The following IL1RAPL1 variants were observed in gnomAD, a reference collection of about 807,000 sequenced individuals.
IL1RAPL1 encodes the protein interleukin 1 receptor accessory protein like 1.
IL1RAPL1 carries 3 observed loss-of-function variants against 48.4 expected under a neutral mutation model. That is an observed-to-expected ratio of 0.06 (90% CI 0.03 to 0.16). IL1RAPL1 has a LOEUF of 0.16. Among genes scored for constraint, IL1RAPL1 ranks in the 10% least tolerant of loss-of-function variants. The pLI, the probability that IL1RAPL1 is intolerant of heterozygous loss-of-function variation, is 1.00. For missense variants in IL1RAPL1, 349 were observed against 530.6 expected (o/e 0.66, Z 3.36); for synonymous variants, 185 against 187.7 (o/e 0.99, Z 0.12).
At chrX:28,699,847 A>G (rs1374663595) in intron 1 of IL1RAPL1, among the ~76,000 whole-genome samples, 1 of 111,867 alleles carries the variant, frequency 8.9e-6, no homozygotes, top group Non-Finnish European at 1.9e-5. Context: ...TCACTGCTGG[A>G]CTGAGAGTCA....
chrX:29,909,489 C>T (rs1347869476), intron 6 of IL1RAPL1, among the ~76,000 whole-genome samples: 1 of 110,791 alleles, frequency 9.0e-6, no homozygotes, highest in East Asian at 2.8e-4. Flanking sequence ...TTCTATATAC[C>T]AACAACATCC....
intron 2 of IL1RAPL1, among the ~76,000 whole-genome samples, chrX:29,059,589 G>T (rs1459652477): frequency 9.0e-6 from 1 of 111,663 alleles, no homozygotes; most frequent in Non-Finnish European, 1.9e-5. Flanking sequence ...TTTTGAACAT[G>T]AACTTCTGGG....
chrX:28,826,443 A>G (rs1199106265), intron 2 of IL1RAPL1, among the ~76,000 whole-genome samples: 4 of 111,465 alleles, frequency 3.6e-5, no homozygotes, highest in African/African-American at 1.3e-4. Flanking sequence ...ATGATGTACA[A>G]TGTACAATAA....
intron 3 of IL1RAPL1, among the ~76,000 whole-genome samples, chrX:29,292,331 A>G (rs1177589755): frequency 8.9e-6 from 1 of 111,938 alleles, no homozygotes; most frequent in Non-Finnish European, 1.9e-5. Flanking sequence ...TTGGTATTTC[A>G]GATGACAATT....
At chrX:28,768,765 A>G (rs1290854224) in intron 1 of IL1RAPL1, among the ~76,000 whole-genome samples, 1 of 80,232 alleles carries the variant, frequency 1.2e-5, no homozygotes, top group Non-Finnish European at 2.4e-5. Context: ...CTATATATAT[A>G]TATATATATA....
intron 5 of IL1RAPL1, among the ~76,000 whole-genome samples, chrX:29,630,417 C>T (rs1252347381): frequency 1.8e-5 from 2 of 111,764 alleles, no homozygotes; most frequent in Non-Finnish European, 3.8e-5. Context: ...GTGGGAAGGA[C>T]TTCGTTGCTG....
In IL1RAPL1 at chrX:29,123,697, A is replaced by T. The variant is rs192087918; in HGVS notation, c.83-159241A>T. Among the ~76,000 whole-genome samples, 444 of 111,287 alleles carry T rather than the reference A, an allele frequency of 4.0e-3. 2 individuals carry two copies. Among genetic ancestry groups the T allele is most frequent in the African/African-American group, 0.013 (407 of 30,635 alleles). On this transcript the variant is annotated intron_variant, in intron 2 of 10. Transcript: ENST00000378993. ...AGTGATAAACCTGATGTATTTAAAA[A>T]TTTTTTGAGATTTCCTCTGGAGCTG...
intron 2 of IL1RAPL1, among the ~76,000 whole-genome samples, chrX:29,174,930 C>G (rs921684515): frequency 6.4e-5 from 7 of 109,679 alleles, no homozygotes; most frequent in Non-Finnish European, 1.1e-4. Context: ...AAAAATTAGC[C>G]GGGCGTGGTG....
chrX:29,527,324 CTCTTTT>C (rs1450257734), intron 5 of IL1RAPL1, among the ~76,000 whole-genome samples: 1 of 24,069 alleles, frequency 4.2e-5, no homozygotes, highest in African/African-American at 1.4e-4. Context: ...TAGGGAAGGA[CTCTTTT>C]TTTTTTTTTT....
intron 6 of IL1RAPL1, among the ~76,000 whole-genome samples, chrX:29,732,652 T>G (rs1927950376): frequency 8.9e-6 from 1 of 112,489 alleles, no homozygotes; most frequent in Admixed American, 9.4e-5. Context: ...GACTTGTTTC[T>G]CCTTCTGCAA....
chrX:28,640,396 A>C (rs1721381583), intron 1 of IL1RAPL1, among the ~76,000 whole-genome samples: 1 of 110,634 alleles, frequency 9.0e-6, no homozygotes, highest in Non-Finnish European at 1.9e-5. Flanking sequence ...CCCAGGCTGG[A>C]GTGCAGTGGT....
At chrX:28,680,201 A>G (rs1935043751) in intron 1 of IL1RAPL1, among the ~76,000 whole-genome samples, 1 of 110,999 alleles carries the variant, frequency 9.0e-6, no homozygotes, top group Admixed American at 9.6e-5. Context: ...ATTCCCTAGT[A>G]TTTTATTCTT....
At chrX:28,595,097 G>A (rs781280174) in intron 1 of IL1RAPL1, among the ~76,000 whole-genome samples, 2 of 111,960 alleles carry the variant, frequency 1.8e-5, no homozygotes, top group East Asian at 2.8e-4. Flanking sequence ...CCACTTTGAC[G>A]ATATTGAATT....
At chrX:29,886,005 G>C (rs971158621) in intron 6 of IL1RAPL1, among the ~76,000 whole-genome samples, 1 of 111,825 alleles carries the variant, frequency 8.9e-6, no homozygotes, top group Non-Finnish European at 1.9e-5. Flanking sequence ...CATGATACAA[G>C]AAGGATGGTG....
At chrX:28,665,821 A>G (rs1934870665) in intron 1 of IL1RAPL1, among the ~76,000 whole-genome samples, 1 of 112,242 alleles carries the variant, frequency 8.9e-6, no homozygotes, top group Admixed American at 9.5e-5. Flanking sequence ...AGCAAAGATC[A>G]TTTGAAACAG....
intron 3 of IL1RAPL1, among the ~76,000 whole-genome samples, chrX:29,392,972 C>T (rs1300161115): frequency 1.8e-5 from 2 of 111,843 alleles, no homozygotes; most frequent in African/African-American, 3.3e-5. Context: ...ATGAAGGAGG[C>T]GGTGCCGATA....
intron 5 of IL1RAPL1, among the ~76,000 whole-genome samples, chrX:29,486,087 T>C (rs921578574): frequency 2.5e-4 from 28 of 111,166 alleles, no homozygotes; most frequent in Non-Finnish European, 3.8e-5. Context: ...TAATGCATGC[T>C]CCTAGAGAGT....
chrX:29,612,147 C>T (rs935623453), intron 5 of IL1RAPL1, among the ~76,000 whole-genome samples: 2 of 111,054 alleles, frequency 1.8e-5, no homozygotes, highest in African/African-American at 6.6e-5. Flanking sequence ...AAAGAACCAC[C>T]CTCTTCTACC....
Position 28,855,810 on chromosome X carries a change from CT to C in IL1RAPL1, c.82+66388del, listed in dbSNP as rs779748445. 9.7e-4 allele frequency among the ~76,000 whole-genome samples: 108 copies of C among 111,275 alleles called. 1 individual carries two copies. Among genetic ancestry groups the C allele is most frequent in the African/African-American group, 3.4e-3 (105 of 30,750 alleles). On this transcript the variant is annotated intron_variant, in intron 2 of 10. Coordinates refer to ENST00000378993, the MANE Select transcript of IL1RAPL1 (RefSeq NM_014271.4). ...TATTAAGTTTCATTTTGAAAAGTTTCTTTCACATCAGCAAGCAGATATACAA... is the reference window on the plus strand; with the variant it reads ...TATTAAGTTTCATTTTGAAAAGTTTCTTCACATCAGCAAGCAGATATACAA...
Sources: allele counts gnomAD v4.1 joint callset (sites outside exome capture counted in the v4.1 genomes callset), GRCh38; gene constraint gnomAD v4.1.1; transcripts MANE v1.5; gene names NCBI Gene and HGNC (gene_info 2026-07-23, HGNC 2026-07-21).